GPM6A: variants seen among roughly 807,000 people sequenced by gnomAD.
GPM6A encodes glycoprotein M6A, also known as neuronal membrane glycoprotein M6-a.
GPM6A carries 7 observed loss-of-function variants against 32.1 expected under a neutral mutation model. That is an observed-to-expected ratio of 0.22 (90% CI 0.12 to 0.41). The LOEUF (loss-of-function observed/expected upper bound fraction) is 0.41, where lower values mean the gene tolerates loss of function less well. Ranked by LOEUF, GPM6A falls within the 10% of genes least tolerant of loss-of-function variation. The pLI, the probability that GPM6A is intolerant of heterozygous loss-of-function variation, is 1.00. For missense variants in GPM6A, 235 were observed against 347.2 expected, an observed-to-expected ratio of 0.68 and a Z score of 2.57; for synonymous variants, 130 against 123.4, an observed-to-expected ratio of 1.05 and a Z score of -0.35.
intron 1 of GPM6A, among the ~76,000 whole-genome samples, chr4:175,942,738 T>C (rs1250337655): frequency 1.3e-5 from 2 of 152,300 alleles, no homozygotes; most frequent in East Asian, 3.9e-4. Flanking sequence ...TTGGTCTATA[T>C]ATCTGTTTTG....
chr4:175,814,960 G>A (rs1043076811), upstream of GPM6A, among the ~76,000 whole-genome samples: 5 of 151,988 alleles, frequency 3.3e-5, no homozygotes, highest in East Asian at 1.9e-4. Context: ...CATTAAAAAC[G>A]CACTCCTCCT....
At chr4:175,848,681 A>G (rs577306799) in intron 1 of GPM6A, among the ~76,000 whole-genome samples, 8 of 152,298 alleles carry the variant, frequency 5.3e-5, no homozygotes, top group African/African-American at 1.9e-4. Context: ...GAATATTAAC[A>G]ATTTGCCTAC....
At chr4:175,773,838 C>T (rs574143233) in intron 1 of GPM6A, among the ~76,000 whole-genome samples, 2 of 152,096 alleles carry the variant, frequency 1.3e-5, no homozygotes, top group South Asian at 4.1e-4. Context: ...TATGCAAAGT[C>T]TTAAGAACAA....
At chr4:175,962,333 A>G (rs2126404683) in intron 1 of GPM6A, 1 of 880,658 alleles carries the variant, frequency 1.1e-6, no homozygotes. Context: ...CCACTCCTGA[A>G]CATCAGCTTC....
chr4:175,928,374 C>A (rs1285535142), intron 1 of GPM6A, among the ~76,000 whole-genome samples: 5 of 152,128 alleles, frequency 3.3e-5, no homozygotes, highest in African/African-American at 1.2e-4. Flanking sequence ...CGATACAAGC[C>A]TTTACCTGGG....
At chr4:175,991,231 ATTT>A (rs1554007435) in intron 1 of GPM6A, among the ~76,000 whole-genome samples, 17 of 119,080 alleles carry the variant, frequency 1.4e-4, no homozygotes, top group African/African-American at 4.7e-4. Context: ...ACTCCCAGCT[ATTT>A]TTTTTTTTTT....
At chr4:175,980,857 G>A (rs887263480) in intron 1 of GPM6A, among the ~76,000 whole-genome samples, 2 of 152,096 alleles carry the variant, frequency 1.3e-5, no homozygotes, top group African/African-American at 4.8e-5. Context: ...AGCATATTTT[G>A]CCATTTAAGA....
chr4:175,820,565 A>G lies in GPM6A; in HGVS notation c.-22-8316T>C, dbSNP rs530571855. On this transcript the variant is annotated intron_variant, in intron 1 of 7. Coordinates refer to the GPM6A transcript ENST00000280187. The stretch of plus-strand genomic sequence containing the variant: ...GCCCAGGCTGGAGTGCAGTGGTGCA[A>G]TCTCTGCTCACTGCAACCTCCCCTT... Among the ~76,000 whole-genome samples, 25 of 143,080 alleles carry G rather than the reference A, an allele frequency of 1.7e-4. No individual in the cohort carries two copies. The Admixed American group carries it at 1.8e-3, about 10-fold the overall frequency. 93.9% of individuals were successfully genotyped at this position (143,080 alleles called of 152,430 possible). A position where few individuals can be genotyped will look rare whatever the true frequency, so the allele number is the denominator to read the frequency against.
chr4:175,973,065 G>C (rs896934342), intron 1 of GPM6A, among the ~76,000 whole-genome samples: 1 of 152,152 alleles, frequency 6.6e-6, no homozygotes, highest in South Asian at 2.1e-4. Context: ...CACCTGAAAA[G>C]AGATGATTTA....
Position 175,661,567 on chromosome 4 carries a change from G to A in GPM6A, c.388-9580C>T, listed in dbSNP as rs536328118. ...TTAAAGGTGTTTCCATTGTTTGAAAGCATATGATCCCTAAACCAGCATGTG... is the reference window on the plus strand; with the variant it reads ...TTAAAGGTGTTTCCATTGTTTGAAAACATATGATCCCTAAACCAGCATGTG... On this transcript the variant is annotated intron_variant, in intron 3 of 6. Transcript: ENST00000393658. 6.6e-5 allele frequency among the ~76,000 whole-genome samples: 10 copies of A among 152,220 alleles called. No homozygotes were observed. In the South Asian group the frequency reaches 2.1e-3, roughly 32 times the overall value.
At chr4:175,755,171 C>T (rs910412380) in intron 1 of GPM6A, among the ~76,000 whole-genome samples, 1 of 151,912 alleles carries the variant, frequency 6.6e-6, no homozygotes, top group Non-Finnish European at 1.5e-5. Context: ...GGAAATACAA[C>T]TGGTTGTTGT....
chr4:175,900,419 G>A (rs1298342724), intron 1 of GPM6A, among the ~76,000 whole-genome samples: 1 of 149,654 alleles, frequency 6.7e-6, no homozygotes, highest in Admixed American at 6.7e-5. Context: ...AAGCTCTATA[G>A]GAGAAAATCT....
chr4:175,937,715 G>T (rs1739284826), intron 1 of GPM6A, among the ~76,000 whole-genome samples: 1 of 152,098 alleles, frequency 6.6e-6, no homozygotes, highest in African/African-American at 2.4e-5. Context: ...ATATTTACTT[G>T]AATTTTTTAA....
At chr4:175,650,637 A>T (rs1741749908) in intron 4 of GPM6A, among the ~76,000 whole-genome samples, 1 of 152,134 alleles carries the variant, frequency 6.6e-6, no homozygotes, top group African/African-American at 2.4e-5. Context: ...GAACTAGTGT[A>T]CTGTAGTGGA....
chr4:175,902,971 A>T (rs1738016878), intron 1 of GPM6A, among the ~76,000 whole-genome samples: 1 of 152,140 alleles, frequency 6.6e-6, no homozygotes, highest in Non-Finnish European at 1.5e-5. Context: ...AGATATCTAA[A>T]TATGTACATA....
intron 1 of GPM6A, among the ~76,000 whole-genome samples, chr4:175,946,032 G>A (rs1739595104): frequency 6.6e-6 from 1 of 152,034 alleles, no homozygotes; most frequent in African/African-American, 2.4e-5. Context: ...AATGTGTAAT[G>A]TACGCTATTT....
intron 1 of GPM6A, among the ~76,000 whole-genome samples, chr4:175,904,257 A>C (rs1738056153): frequency 6.6e-6 from 1 of 152,166 alleles, no homozygotes; most frequent in Non-Finnish European, 1.5e-5. Flanking sequence ...TTTTCAGTTT[A>C]TGACAGGCAA....
intron 3 of GPM6A, among the ~76,000 whole-genome samples, chr4:175,660,696 T>G (rs1426730769): frequency 6.6e-6 from 1 of 152,148 alleles, no homozygotes; most frequent in Non-Finnish European, 1.5e-5. Flanking sequence ...CTAAAACTAC[T>G]CAAATTCCCC....
intron 4 of GPM6A, among the ~76,000 whole-genome samples, chr4:175,648,250 G>T (rs1181459635): frequency 6.6e-6 from 1 of 152,130 alleles, no homozygotes; most frequent in South Asian, 2.1e-4. Context: ...ACAAAGAAAT[G>T]GATGTGTATC....
Sources: gnomAD v4.1 joint callset for allele counts (sites outside exome capture counted in the v4.1 genomes callset) on GRCh38, gnomAD v4.1.1 for gene constraint, MANE v1.5 for transcripts, NCBI Gene and HGNC (gene_info 2026-07-23, HGNC 2026-07-21) for gene names.